Variants in DENND2C observed in about 807,000 individuals in gnomAD.
The protein encoded by DENND2C is DENN domain-containing protein 2C.
Under a neutral mutation model 112.4 loss-of-function variants are expected in DENND2C, and 72 were observed. The observed-to-expected ratio is 0.64, with a 90% CI of 0.53 to 0.78. The LOEUF is 0.78. Among genes scored for constraint, DENND2C ranks in the 30% least tolerant of loss-of-function variants. DENND2C has a pLI of 0.00. For synonymous variants in DENND2C, 329 were observed against 381.6 expected (o/e 0.86, Z 1.61); for missense variants, 992 against 1,113.8 (o/e 0.89, Z 1.56).
chr1:114,617,921 G>T (rs1266528536), intron 8 of DENND2C, among the ~76,000 whole-genome samples: 1 of 151,876 alleles, frequency 6.6e-6, no homozygotes, highest in Non-Finnish European at 1.5e-5. Flanking sequence ...AAAATAAAAT[G>T]GATTTGAGAA....
At chr1:114,602,013 A>G in intron 12 of DENND2C, 112 bp downstream of exon 12, 1 of 1,022,440 alleles carries the variant, frequency 9.8e-7, no homozygotes, top group Non-Finnish European at 1.5e-6. Context: ...TCCTTAATAC[A>G]CAGATCATTG....
Position 114,625,206 on chromosome 1 carries a change from C to T in DENND2C, c.779G>A (p.Gly260Asp). The T allele has an allele frequency of 6.2e-7, 1 of 1,608,858 alleles. No individual in the cohort carries two copies. The highest frequency in any genetic ancestry group is 8.5e-7 in the Non-Finnish European group (1 of 1,178,754). Residue 260 changes from glycine (G) to aspartate (D), a missense_variant, in exon 4 of 21, where the codon GGT (glycine) becomes GAT (aspartate). Gly to Asp is a moderately conservative substitution (Grantham distance 94, BLOSUM62 -1). Around this residue, in one of 3 missense-constraint regions of DENND2C, gnomAD observed 470 missense variants for 472.7 expected, o/e 0.99. Coordinates refer to ENST00000393274, the MANE Select transcript of DENND2C (RefSeq NM_001256404.2). ...SSQEPEPKKYGGKIRGRSKRK... is the reference protein window; with the variant it reads ...SSQEPEPKKYDGKIRGRSKRK... The stretch of plus-strand genomic sequence containing the variant: ...TTTAGATCTTCCTCTGATTTTTCCA[C>T]CATATTTCTTTGGTTCAGGTTCCTG...
chr1:114,662,746 G>C (rs760691535), intron 1 of DENND2C, among the ~76,000 whole-genome samples: 1 of 152,096 alleles, frequency 6.6e-6, no homozygotes, highest in Non-Finnish European at 1.5e-5. Flanking sequence ...TCCCGAGGTC[G>C]GGAGTTCAAG....
At chr1:114,664,777 C>CA (rs917858939) in intron 1 of DENND2C, among the ~76,000 whole-genome samples, 29 of 144,540 alleles carry the variant, frequency 2.0e-4, no homozygotes, top group African/African-American at 3.5e-4. Flanking sequence ...TGTGCCTGGG[C>CA]AAAAAAAATT....
rs377512310 is a variant in DENND2C, at chr1:114,600,362, A to G, written c.1957-10T>C. On this transcript the variant is annotated splice_polypyrimidine_tract_variant and intron_variant, in intron 14 of 20. Coordinates refer to ENST00000393274, the MANE Select transcript of DENND2C (RefSeq NM_001256404.2). ...GGCAGAGTTCAATGGACTGAAATGC[A>G]AGAAGTTGAATCAGGTGAGCTAATG... 2.3e-5 allele frequency: 37 copies of G among 1,613,746 alleles called. No homozygotes were observed. The highest frequency in any genetic ancestry group is 2.8e-5 in the Non-Finnish European group (33 of 1,179,844).
intron 3 of DENND2C, among the ~76,000 whole-genome samples, chr1:114,641,951 G>GTA (rs368135084): frequency 1.1e-4 from 17 of 151,458 alleles, no homozygotes; most frequent in African/African-American, 3.4e-4. Flanking sequence ...ACACATATAT[G>GTA]TATATATATA....
In DENND2C at chr1:114,634,888, C is replaced by T. The variant is rs543014434; in HGVS notation, c.-204-8700G>A. ...ATTAAAAATACAAAAATTAGCCAGGCGAGGTGTCATGCACCTGTAATCCCA... is the reference window on the plus strand; with the variant it reads ...ATTAAAAATACAAAAATTAGCCAGGTGAGGTGTCATGCACCTGTAATCCCA... On this transcript the variant is annotated intron_variant, in intron 3 of 20. Transcript: ENST00000393274. Among the ~76,000 whole-genome samples, 23 of 151,756 alleles carry T rather than the reference C, an allele frequency of 1.5e-4. No individual in the cohort carries two copies. In the Middle Eastern group the frequency reaches 0.01, roughly 67 times the overall value.
At chr1:114,602,221 A>T (rs760587715) in intron 11 of DENND2C, 27 bp from the exon 12 acceptor site, 1 of 1,610,424 alleles carries the variant, frequency 6.2e-7, no homozygotes, top group Non-Finnish European at 8.5e-7. Context: ...TAGTTAGTTT[A>T]GGATCCAAAC....
chr1:114,664,395 T>C (rs1657591756), intron 1 of DENND2C, among the ~76,000 whole-genome samples: 1 of 152,064 alleles, frequency 6.6e-6, no homozygotes. Context: ...GAAGGAGTGC[T>C]TAGGCCCAGA....
chr1:114,652,620 T>C (rs896391112), intron 2 of DENND2C, among the ~76,000 whole-genome samples: 4 of 151,846 alleles, frequency 2.6e-5, no homozygotes, highest in Non-Finnish European at 5.9e-5. Context: ...GTGTCGAATT[T>C]GCATCATAAA....
At chr1:114,635,776 G>C (rs1190928792) in intron 3 of DENND2C, among the ~76,000 whole-genome samples, 1 of 152,176 alleles carries the variant, frequency 6.6e-6, no homozygotes, top group Admixed American at 6.5e-5. Flanking sequence ...GGAGGCTGAG[G>C]AGGGCAGATC....
At chr1:114,667,526 A>C (rs1570828022) in intron 1 of DENND2C, among the ~76,000 whole-genome samples, 1 of 152,286 alleles carries the variant, frequency 6.6e-6, no homozygotes, top group East Asian at 1.9e-4. Flanking sequence ...TGAGGGACTG[A>C]GAGCTTAGAA....
At chr1:114,587,543 C>T (rs1655072735) in intron 19 of DENND2C, 70 bp from the exon 20 acceptor site, 1 of 1,555,502 alleles carries the variant, frequency 6.4e-7, no homozygotes, top group Non-Finnish European at 8.9e-7. Context: ...AAATTCTGTG[C>T]TTATAACCAG....
intron 20 of DENND2C, chr1:114,586,763 C>G (rs1205898636): frequency 6.7e-6 from 1 of 150,320 alleles, no homozygotes; most frequent in African/African-American, 2.5e-5. Context: ...TTTTTAGAGA[C>G]AAGAATCTCA....
At position 114,585,209 on chromosome 1, in the gene DENND2C, C is replaced by T. The variant is rs1655008932; in HGVS notation, c.*391G>A. Reference sequence around the variant, plus strand: ...TGTTCTCCATTTCCATCATGTCTCTCTACTACCTTAAACTCAGCATTTCTC... The same window carrying T: ...TGTTCTCCATTTCCATCATGTCTCTTTACTACCTTAAACTCAGCATTTCTC... On this transcript the variant is annotated 3_prime_UTR_variant, in exon 21 of 21. Transcript: ENST00000393274. The T allele has an allele frequency of 4.8e-6, 1 of 207,362 alleles. No homozygotes were observed. Among genetic ancestry groups the T allele is most frequent in the Non-Finnish European group, 9.9e-6 (1 of 101,134 alleles). 12.8% of individuals were successfully genotyped at this position (207,362 alleles called of 1,614,324 possible). A position where few individuals can be genotyped will look rare whatever the true frequency, so the allele number is the denominator to read the frequency against.
intron 3 of DENND2C, among the ~76,000 whole-genome samples, chr1:114,643,504 C>T (rs952102860): frequency 7.2e-5 from 11 of 152,288 alleles, no homozygotes; most frequent in Admixed American, 3.9e-4. Flanking sequence ...ACTTTTCAAA[C>T]CTCTATCATC....
chr1:114,659,357 C>G (rs1001557232), intron 1 of DENND2C, among the ~76,000 whole-genome samples: 6 of 152,030 alleles, frequency 3.9e-5, no homozygotes, highest in African/African-American at 1.5e-4. Context: ...AAAAAATTAG[C>G]CAGGCATGGT....
chr1:114,659,021 T>C (rs1265684826), intron 1 of DENND2C, among the ~76,000 whole-genome samples: 1 of 152,206 alleles, frequency 6.6e-6, no homozygotes, highest in African/African-American at 2.4e-5. Context: ...CTCAGTCTTC[T>C]GGCTAAGATC....
At chr1:114,633,630 AGTC>A (rs1156948814) in intron 3 of DENND2C, among the ~76,000 whole-genome samples, 2 of 152,026 alleles carry the variant, frequency 1.3e-5, no homozygotes, top group East Asian at 3.9e-4. Context: ...ATGGCTAAGA[AGTC>A]AACAAAGAAA....
Sources: gnomAD v4.1 joint callset for allele counts (sites outside exome capture counted in the v4.1 genomes callset) on GRCh38, gnomAD v4.1.1 for gene constraint, gnomAD v4.1.1 regional missense constraint, MANE v1.5 for transcripts, NCBI Gene and HGNC (gene_info 2026-07-23, HGNC 2026-07-21) for gene names.